EVL: variants seen among roughly 807,000 people sequenced by gnomAD.
The protein encoded by EVL is Enah/Vasp-like, also known as ena/VASP-like protein.
In EVL, 21 loss-of-function variants were observed where a neutral mutation model predicts 59.6. The ratio of observed to expected loss-of-function variants is 0.35; its 90% confidence interval spans 0.25 to 0.51. The LOEUF is 0.51. EVL is among the 20% of genes least tolerant of loss of function. The probability of loss-of-function intolerance (pLI) is 0.97; values close to 1 mark genes in which losing one functional copy is unlikely to be tolerated. For synonymous variants in EVL, 198 were observed against 203.5 expected (o/e 0.97, Z 0.23); for missense variants, 462 against 546.6 (o/e 0.85, Z 1.54).
chr14:100,004,970 T>C lies in EVL; in HGVS notation c.5+32913T>C, dbSNP rs532328703. Among the ~76,000 whole-genome samples the C allele has an allele frequency of 5.4e-4, 83 of 152,368 alleles. 1 individual carries two copies. Among genetic ancestry groups the C allele is most frequent in the African/African-American group, 2.0e-3 (83 of 41,594 alleles). ...TAGATTCTAAATTATGACAAGTTTGTCTACAAGTATTTATTTCATTACATT... is the reference window on the plus strand; with the variant it reads ...TAGATTCTAAATTATGACAAGTTTGCCTACAAGTATTTATTTCATTACATT... On this transcript the variant is annotated intron_variant, in intron 1 of 13. Transcript: ENST00000402714.
intron 1 of EVL, among the ~76,000 whole-genome samples, chr14:99,997,944 C>T (rs1426752314): frequency 2.0e-5 from 3 of 152,154 alleles, no homozygotes; most frequent in African/African-American, 7.2e-5. Flanking sequence ...CATAGTCTCC[C>T]ATCTGTACTG....
chr14:100,046,584 T>G (rs2061549446), intron 1 of EVL, among the ~76,000 whole-genome samples: 1 of 151,806 alleles, frequency 6.6e-6, no homozygotes, highest in Non-Finnish European at 1.5e-5. Flanking sequence ...GGAGGGTTGC[T>G]TGAGCCTGGG....
At position 99,972,921 on chromosome 14, in the gene EVL, ATTC is replaced by A. The variant is rs1014634782; in HGVS notation, c.5+867_5+869del. Among the ~76,000 whole-genome samples, 1 of 151,882 alleles carries A rather than the reference ATTC, an allele frequency of 6.6e-6. No homozygotes were observed. The highest frequency in any genetic ancestry group is 2.4e-5 in the African/African-American group (1 of 41,294). On this transcript the variant is annotated intron_variant, in intron 1 of 13. Transcript: ENST00000402714. The surrounding 1 kb of genome is among the most constrained non-coding windows in gnomAD (Gnocchi z 4.4). ...ATTTATGACAATGAAATAATACAGT[ATTC>A]TTTTGTGTCTGGTGTTTTTCAAGAT...
intron 8 of EVL, chr14:100,134,817 GA>G (rs1888666177): frequency 6.6e-6 from 1 of 152,214 alleles, no homozygotes. Flanking sequence ...TCCACCACCT[GA>G]AAACCTGCAC....
chr14:100,097,977 G>A (rs1885936026), intron 3 of EVL, among the ~76,000 whole-genome samples: 1 of 152,102 alleles, frequency 6.6e-6, no homozygotes, highest in South Asian at 2.1e-4. Flanking sequence ...GAGAGAGATG[G>A]GAGAAAACAG....
In EVL at chr14:100,109,293, T is replaced by C; in HGVS notation, c.358+11635T>C. ...CCCGCCCCTGCCCTCATGCATGTTC[T>C]CTCCATACTCCTGGTCACCTTCTGC... On this transcript the variant is annotated intron_variant, in intron 3 of 13. Transcript: ENST00000392920. The surrounding 1 kb of genome is among the most constrained non-coding windows in gnomAD (Gnocchi z 4.3). 3.0e-6 allele frequency: 1 copy of C among 338,828 alleles called. No homozygotes were observed. The highest frequency in any genetic ancestry group is 2.3e-5 in the South Asian group (1 of 43,424). 21.0% of individuals were successfully genotyped at this position (338,828 alleles called of 1,614,324 possible). A position where few individuals can be genotyped will look rare whatever the true frequency, so the allele number is the denominator to read the frequency against.
chr14:100,112,613 C>G (rs74348935), intron 3 of EVL, among the ~76,000 whole-genome samples: 1,621 of 152,300 alleles, frequency 0.011, 27 homozygotes, highest in African/African-American at 0.038. Context: ...CAAGCATGCT[C>G]CTAAAGTCAG....
chr14:100,121,287 C>T (rs1169732336), intron 3 of EVL, among the ~76,000 whole-genome samples: 3 of 152,194 alleles, frequency 2.0e-5, no homozygotes, highest in Admixed American at 1.3e-4. Flanking sequence ...CCTGTCCCTC[C>T]CCCCGACTGC....
intron 3 of EVL, among the ~76,000 whole-genome samples, chr14:100,101,185 A>G (rs1886195430): frequency 6.6e-6 from 1 of 152,060 alleles, no homozygotes; most frequent in South Asian, 2.1e-4. Context: ...CCTCGTCTCT[A>G]CTAAAAAGAC....
rs191510589 is a variant in EVL at position 100,027,277 on chromosome 14, A to G, written c.5+55220A>G. Among the ~76,000 whole-genome samples the G allele has an allele frequency of 1.1e-4, 16 of 152,092 alleles. 1 individual carries two copies. Among genetic ancestry groups the G allele is most frequent in the African/African-American group, 3.9e-4 (16 of 41,432 alleles). ...AAATTCCAATTACACTTTTTTAGTT[A>G]TTTTGAAATGTACAATAAATTACTG... On this transcript the variant is annotated intron_variant, in intron 1 of 13. Coordinates refer to the EVL transcript ENST00000402714.
rs190199411 is a variant in EVL at position 100,099,195 on chromosome 14, A to G, written c.358+1537A>G. Among the ~76,000 whole-genome samples, 72 of 151,946 alleles carry G rather than the reference A, an allele frequency of 4.7e-4. 1 individual carries two copies. The highest frequency in any genetic ancestry group is 4.2e-3 in the East Asian group (22 of 5,184). On this transcript the variant is annotated intron_variant, in intron 3 of 13. Coordinates refer to ENST00000392920, the MANE Select transcript of EVL (RefSeq NM_016337.3). ...CTGTCTCTACAAAAAAAAAAAAAAA[A>G]AAAAGAAAAAGTGTGTACTGGGCCT...
intron 1 of EVL, among the ~76,000 whole-genome samples, chr14:100,069,216 G>A (rs2061998675): frequency 6.6e-6 from 1 of 152,164 alleles, no homozygotes; most frequent in South Asian, 2.1e-4. Context: ...TACCAAAGTT[G>A]CTACTCAGTG....
chr14:100,106,854 A>G (rs1457448778), intron 3 of EVL: 1 of 398,542 alleles, frequency 2.5e-6, no homozygotes, highest in South Asian at 1.3e-4. Flanking sequence ...AGAGGGAGGA[A>G]GTTTGTACTT....
chr14:100,108,709 T>C lies in EVL; in HGVS notation c.358+11051T>C, dbSNP rs1166825649. On this transcript the variant is annotated intron_variant, in intron 3 of 13. Coordinates refer to ENST00000392920, the MANE Select transcript of EVL (RefSeq NM_016337.3). This position sits in a 1 kb window ranked among gnomAD's most constrained non-coding sequence, Gnocchi z 4.1. ...TTTCCCCACACTTCTAAAATCTCAC[T>C]CGTCCTGTCAGAATGTGGCTCCACA... 6.6e-6 allele frequency among the ~76,000 whole-genome samples: 1 copy of C among 151,998 alleles called. No homozygotes were observed. Among genetic ancestry groups the C allele is most frequent in the African/African-American group, 2.4e-5 (1 of 41,368 alleles).
At chr14:100,133,770 T>G (rs1425941039) in intron 8 of EVL, among the ~76,000 whole-genome samples, 1 of 152,130 alleles carries the variant, frequency 6.6e-6, no homozygotes, top group Admixed American at 6.5e-5. Context: ...AAACGTCATC[T>G]CTACTAAAAA....
intron 2 of EVL, among the ~76,000 whole-genome samples, chr14:100,086,280 C>T (rs1309089362): frequency 1.3e-5 from 2 of 152,178 alleles, no homozygotes; most frequent in Non-Finnish European, 2.9e-5. Context: ...CTAGATCTGC[C>T]TTTCAGTGAC....
At chr14:100,022,338 C>T (rs943048106) in intron 1 of EVL, among the ~76,000 whole-genome samples, 1 of 150,384 alleles carries the variant, frequency 6.6e-6, no homozygotes, top group African/African-American at 2.5e-5. Flanking sequence ...AGTGCAGTGG[C>T]ACAATCTCAG....
At position 100,036,145 on chromosome 14, in the gene EVL, A is replaced by G. The variant is rs113655428; in HGVS notation, c.6-48542A>G. ...CATAGGACCAGAAACCCTACTGTGA[A>G]CTGTGCATGCAAAGGAGCCAGGCTG... On this transcript the variant is annotated intron_variant, in intron 1 of 13. Coordinates refer to the EVL transcript ENST00000402714. Among the ~76,000 whole-genome samples, 121 of 152,244 alleles carry G rather than the reference A, an allele frequency of 7.9e-4. 1 individual carries two copies. The highest frequency in any genetic ancestry group is 2.6e-3 in the African/African-American group (109 of 41,550).
chr14:100,115,453 T>C lies in EVL; in HGVS notation c.359-8086T>C, dbSNP rs530776594. Among the ~76,000 whole-genome samples, 24 of 152,370 alleles carry C rather than the reference T, an allele frequency of 1.6e-4. 1 individual carries two copies. In the South Asian group the frequency reaches 4.3e-3, roughly 28 times the overall value. The stretch of plus-strand genomic sequence containing the variant: ...GCGCTTTTCCTCTCCAGTGTCTCCT[T>C]GTTAGTGCATGACTGCAAGGGCTGG... On this transcript the variant is annotated intron_variant, in intron 3 of 13. Transcript: ENST00000392920.
Sources: gnomAD v4.1 joint callset for allele counts (sites outside exome capture counted in the v4.1 genomes callset) on GRCh38, gnomAD v4.1.1 for gene constraint, Gnocchi (gnomAD v3.1) non-coding constraint, MANE v1.5 for transcripts, NCBI Gene and HGNC (gene_info 2026-07-23, HGNC 2026-07-21) for gene names.